The following POLR3D variants were observed in gnomAD, a reference collection of about 807,000 sequenced individuals.
POLR3D encodes RNA polymerase III subunit D.
POLR3D carries 42 observed loss-of-function variants against 44.5 expected under a neutral mutation model. That is an observed-to-expected ratio of 0.94 (90% CI 0.74 to 1.22). POLR3D has a LOEUF of 1.22. POLR3D is among the 50% of genes most tolerant of loss of function. POLR3D has a pLI of 0.00. For synonymous variants in POLR3D, 217 were observed against 198.1 expected, an observed-to-expected ratio of 1.10 and a Z score of -0.80; for missense variants, 507 against 505.2, an observed-to-expected ratio of 1.00 and a Z score of -0.03.
chr8:22,249,745 C>T (rs1292473222), intron 7 of POLR3D, among the ~76,000 whole-genome samples: 2 of 152,078 alleles, frequency 1.3e-5, no homozygotes, highest in East Asian at 3.9e-4. Flanking sequence ...TGGCTTGAGT[C>T]CAGGAGGCAG....
intron 2 of POLR3D, among the ~76,000 whole-genome samples, chr8:22,246,248 C>T (rs1302666115): frequency 6.6e-6 from 1 of 151,932 alleles, no homozygotes; most frequent in African/African-American, 2.4e-5. Context: ...CTGCCTCATC[C>T]TCCTGAGTAG....
chr8:22,245,654 G>C (rs766377231), intron 2 of POLR3D, 40 bp downstream of exon 2: 1 of 1,223,170 alleles, frequency 8.2e-7, no homozygotes, highest in East Asian at 3.2e-5. Flanking sequence ...CAACTACCTT[G>C]AATTCCAAGC....
At position 22,247,253 on chromosome 8, in the gene POLR3D, G is replaced by C; in HGVS notation, c.198G>C (p.Lys66Asn). The change falls in exon 3 of 9, where the codon AAG becomes AAC. Residue 66 changes from lysine to asparagine, a missense_variant. By Grantham distance (94) the Lys-to-Asn change is moderately conservative. Transcript: ENST00000306433. The part of the protein sequence containing the change: ...KTFTPNIISR[K>N]IKEEPKEEVT... ...TCACCCCAAATATCATCAGTCGGAA[G>C]ATCAAGGAAGAGTAAGTAGCTAGGC... 6.2e-7 allele frequency: 1 copy of C among 1,613,358 alleles called. No homozygotes were observed. The highest frequency in any genetic ancestry group is 8.5e-7 in the Non-Finnish European group (1 of 1,179,352).
Position 22,253,617 on chromosome 8 carries a change from C to T in POLR3D, c.*3099C>T, listed in dbSNP as rs1022873323. ...TTTATTCTACTAAAATCAATTTTAA[C>T]ATTTTAGTGTATATTATTTTATTTT... On this transcript the variant is annotated 3_prime_UTR_variant, in exon 9 of 9. Coordinates refer to ENST00000306433, the MANE Select transcript of POLR3D (RefSeq NM_001722.3). 35 of 152,316 alleles carry T rather than the reference C, an allele frequency of 2.3e-4. No individual in the cohort carries two copies. The East Asian group carries it at 5.2e-3, about 23-fold the overall frequency. The allele number at this position is 152,316 out of a possible 1,614,324, so 9.4% of individuals were successfully genotyped here.
rs778603861 is a variant in POLR3D, at chr8:22,248,671, C to T, written c.655+22C>T. ...AAAGGTACTCTGTCGGTTAACTTCT[C>T]ATCTCCAATTCCATGGCTGCTCCCC... On this transcript the variant is annotated intron_variant, in intron 6 of 8. Coordinates refer to ENST00000306433, the MANE Select transcript of POLR3D (RefSeq NM_001722.3). The T allele has an allele frequency of 2.8e-5, 45 of 1,601,968 alleles. No homozygotes were observed. The Admixed American group carries it at 2.9e-4, about 10-fold the overall frequency.
intron 6 of POLR3D, 56 bp from the exon 7 acceptor site, chr8:22,248,988 T>A: frequency 6.3e-7 from 1 of 1,587,942 alleles, no homozygotes; most frequent in Non-Finnish European, 8.6e-7. Context: ...CTGGTAACAG[T>A]GAGCTGGTAT....
chr8:22,249,005 TGGTC>T (rs1356439404), intron 6 of POLR3D, 35 bp from the exon 7 acceptor site: 19 of 1,604,980 alleles, frequency 1.2e-5, no homozygotes, highest in Non-Finnish European at 1.5e-5. Flanking sequence ...GTATGGAGGG[TGGTC>T]ACTTGATAGC....
At position 22,249,155 on chromosome 8, in the gene POLR3D, G is replaced by C. The variant is rs1485526543; in HGVS notation, c.767G>C (p.Arg256Thr). Residue 256 changes from arginine (R) to threonine (T), a missense_variant, in exon 7 of 9, where the codon AGG becomes ACG. Arg to Thr is a moderately conservative substitution (Grantham distance 71). Coordinates refer to ENST00000306433, the MANE Select transcript of POLR3D (RefSeq NM_001722.3). ...GATGTATCTGTGGCAGAGCTGCTGA[G>C]GGAGCTGAGCCTCACCAAGGAAGAG... ...PKDVSVAELL[R>T]ELSLTKEEEL... The C allele has an allele frequency of 6.2e-7, 1 of 1,613,988 alleles. No individual in the cohort carries two copies. The highest frequency in any genetic ancestry group is 1.3e-5 in the African/African-American group (1 of 74,906).
At chr8:22,248,353 G>A in intron 5 of POLR3D, 75 bp downstream of exon 5, 2 of 1,584,896 alleles carry the variant, frequency 1.3e-6, no homozygotes, top group Admixed American at 1.7e-5. Context: ...CAGGTGAGGG[G>A]TAGAAGAGCT....
Position 22,245,483 on chromosome 8 carries a change from A to G in POLR3D, c.34A>G (p.Thr12Ala). Residue 12 changes from threonine to alanine, a missense_variant, in exon 2 of 9, where the codon ACG becomes GCG. Transcript: ENST00000306433. ...AGGAAACGCCGCCGGCGAGCCCAGC[A>G]CGCCGGGAGGGCCCCGACCTCTCCT... ...SEGNAAGEPS[T>A]PGGPRPLLTG... The G allele has an allele frequency of 1.5e-6, 2 of 1,307,726 alleles. No individual in the cohort carries two copies. The highest frequency in any genetic ancestry group is 2.8e-5 in the East Asian group (1 of 35,540). The allele number at this position is 1,307,726 out of a possible 1,614,324, so 81.0% of individuals were successfully genotyped here.
chr8:22,246,190 C>T (rs1303863108), intron 2 of POLR3D, among the ~76,000 whole-genome samples: 2 of 152,174 alleles, frequency 1.3e-5, no homozygotes, highest in Non-Finnish European at 2.9e-5. Flanking sequence ...TGCAATGGCA[C>T]GATCTCAGCT....
chr8:22,250,005 A>T (rs1240129397), intron 7 of POLR3D, 70 bp from the exon 8 acceptor site: 1 of 1,561,966 alleles, frequency 6.4e-7, no homozygotes. Flanking sequence ...CTTGGGGAGT[A>T]GAAGGGGGTT....
At chr8:22,248,422 C>T in intron 5 of POLR3D, 59 bp from the exon 6 acceptor site, 1 of 1,588,732 alleles carries the variant, frequency 6.3e-7, no homozygotes, top group South Asian at 1.1e-5. Flanking sequence ...GGGACTAAAG[C>T]AGACTTTGAT....
Position 22,252,603 on chromosome 8 carries a change from T to C in POLR3D, c.*2085T>C, listed in dbSNP as rs1830114133. The C allele has an allele frequency of 6.6e-6, 1 of 152,050 alleles. No homozygotes were observed. Among genetic ancestry groups the C allele is most frequent in the Non-Finnish European group, 1.5e-5 (1 of 68,020 alleles). The allele number at this position is 152,050 out of a possible 1,614,324, so 9.4% of individuals were successfully genotyped here. ...ACAAATTAGGTCTTATTAATAAGTG[T>C]GGGAAAAGAGAGGAGAGTCCACCTT... is the stretch of plus-strand genomic sequence containing the variant. On this transcript the variant is annotated 3_prime_UTR_variant, in exon 9 of 9. Coordinates refer to ENST00000306433, the MANE Select transcript of POLR3D (RefSeq NM_001722.3).
rs963697025 is a variant in POLR3D at position 22,251,942 on chromosome 8, C to T, written c.*1424C>T. ...AGGGGCTCAGGAAGAACCGCTTCCC[C>T]TCCACCCCCATCCCTGATTCCTAGT... On this transcript the variant is annotated 3_prime_UTR_variant, in exon 9 of 9. Transcript: ENST00000306433. 6.5e-6 allele frequency: 1 copy of T among 152,930 alleles called. No individual in the cohort carries two copies. Among genetic ancestry groups the T allele is most frequent in the African/African-American group, 2.4e-5 (1 of 41,444 alleles). The allele number at this position is 152,930 out of a possible 1,614,324, so 9.5% of individuals were successfully genotyped here.
In POLR3D at chr8:22,247,187, T is replaced by C. The variant is rs1351526583; in HGVS notation, c.166-34T>C. The C allele has an allele frequency of 5.7e-6, 9 of 1,574,718 alleles. No individual in the cohort carries two copies. In the East Asian group the frequency reaches 2.0e-4, roughly 35 times the overall value. On this transcript the variant is annotated intron_variant, in intron 2 of 8. Transcript: ENST00000306433. ...TCCTCTGTACTTTGGGGTCAGAACC[T>C]AACACATCAGTGACTCCTGTATTTT...
chr8:22,249,061 G>C lies in POLR3D; in HGVS notation c.673G>C (p.Asp225His), dbSNP rs926735450. 1.2e-6 allele frequency: 2 copies of C among 1,613,808 alleles called. No homozygotes were observed. Among genetic ancestry groups the C allele is most frequent in the Non-Finnish European group, 1.7e-6 (2 of 1,179,978 alleles). Residue 225 changes from aspartate to histidine, a missense_variant, in exon 7 of 9, where the codon GAT (aspartate) becomes CAT (histidine). Asp to His is a moderately conservative substitution (Grantham distance 81). Coordinates refer to ENST00000306433, the MANE Select transcript of POLR3D (RefSeq NM_001722.3). ...PAVKVKEEPRDEEEEAKMKAP... is the reference protein window; with the variant it reads ...PAVKVKEEPRHEEEEAKMKAP... ...CCGGGCAGTGAAAGAGGAGCCACGA[G>C]ATGAGGAGGAAGAGGCCAAGATGAA...
At chr8:22,249,423 G>C in intron 7 of POLR3D, 114 bp downstream of exon 7, 1 of 1,156,690 alleles carries the variant, frequency 8.6e-7, no homozygotes, top group Admixed American at 2.2e-5. Context: ...AATAATGGGT[G>C]GTTATTCTTG....
rs1438490850 is a variant in POLR3D at position 22,245,453 on chromosome 8, T to A, written c.4T>A (p.Ser2Thr). 2.3e-6 allele frequency: 3 copies of A among 1,308,604 alleles called. No homozygotes were observed. The highest frequency in any genetic ancestry group is 2.9e-4 in the Middle Eastern group (1 of 3,466). The allele number at this position is 1,308,604 out of a possible 1,614,324, so 81.1% of individuals were successfully genotyped here. A position where few individuals can be genotyped will look rare whatever the true frequency, so the allele number is the denominator to read the frequency against. M[S>T]EGNAAGEPST... ...CGCCCCTTCTCTCCCAGGCAACATG[T>A]CGGAAGGAAACGCCGCCGGCGAGCC... Residue 2 changes from serine to threonine, a missense_variant, in exon 2 of 9, where the codon TCG becomes ACG. Coordinates refer to ENST00000306433, the MANE Select transcript of POLR3D (RefSeq NM_001722.3).
Sources: gnomAD v4.1 joint callset for allele counts (sites outside exome capture counted in the v4.1 genomes callset) on GRCh38, gnomAD v4.1.1 for gene constraint, MANE v1.5 for transcripts, NCBI Gene and HGNC (gene_info 2026-07-23, HGNC 2026-07-21) for gene names.